The following SH2D3C variants were observed in gnomAD, a reference collection of about 807,000 sequenced individuals.
SH2D3C encodes the protein SH2 domain-containing protein 3C.
A neutral mutation model predicts 75.2 loss-of-function variants in SH2D3C; 25 were observed. The ratio of observed to expected loss-of-function variants is 0.33; its 90% CI spans 0.24 to 0.46. The LOEUF (loss-of-function observed/expected upper bound fraction) is 0.46. SH2D3C is among the 20% of genes least tolerant of loss of function. The probability of loss-of-function intolerance (pLI) is 1.00; values close to 1 mark genes in which losing one functional copy is unlikely to be tolerated. For synonymous variants in SH2D3C, 450 were observed against 473.7 expected (o/e 0.95, Z 0.65); for missense variants, 933 against 1,165.3 (o/e 0.80, Z 2.90).
At chr9:127,760,574 G>A (rs549145858) in intron 3 of SH2D3C, among the ~76,000 whole-genome samples, 6 of 151,838 alleles carry the variant, frequency 4.0e-5, no homozygotes, top group Non-Finnish European at 7.4e-5. Flanking sequence ...GCACATGAAC[G>A]TGTTACCCCA....
At position 127,749,360 on chromosome 9, in the gene SH2D3C, G is replaced by T. The variant is rs201463252; in HGVS notation, c.990C>A (p.Ala330=). 2 of 1,613,776 alleles carry T rather than the reference G, an allele frequency of 1.2e-6. No individual in the cohort carries two copies. The highest frequency in any genetic ancestry group is 4.5e-5 in the East Asian group (2 of 44,886). Residue 330 remains alanine (A), a synonymous_variant, in exon 5 of 12, where the codon GCC becomes GCA. Transcript: ENST00000314830. This position sits in a 1 kb window ranked among gnomAD's most constrained non-coding sequence, Gnocchi z 5.9. ...NRTFPLRYLE[A]SYGLGQGSSK... is the part of the protein sequence containing the mutation. ...TACTCCCCTGTCCCAGGCCATAGCTGGCCTCGAGGTAGCGCAGTGGGAAGG... is the reference window on the plus strand; with the variant it reads ...TACTCCCCTGTCCCAGGCCATAGCTTGCCTCGAGGTAGCGCAGTGGGAAGG...
In SH2D3C at chr9:127,751,145, T is replaced by C. The variant is rs372541117; in HGVS notation, c.684+27A>G. ...AGGCAGTGGGTGGGAGGGTCCCGGG[T>C]TGAAGTCCAGCTCGGGGCCTACTCA... On this transcript the variant is annotated intron_variant, in intron 4 of 11. Coordinates refer to ENST00000314830, the MANE Select transcript of SH2D3C (RefSeq NM_170600.3). The surrounding 1 kb of genome is among the most constrained non-coding windows in gnomAD (Gnocchi z 4.1). 24 of 1,611,390 alleles carry C rather than the reference T, an allele frequency of 1.5e-5. No homozygotes were observed. Among genetic ancestry groups the C allele is most frequent in the African/African-American group, 1.5e-4 (11 of 74,804 alleles).
At chr9:127,753,218 T>G (rs1845251507) in intron 3 of SH2D3C, among the ~76,000 whole-genome samples, 1 of 151,754 alleles carries the variant, frequency 6.6e-6, no homozygotes, top group South Asian at 2.1e-4. Context: ...AGCCTAGGGT[T>G]TTCCAGGCAG....
chr9:127,757,272 A>ATTTTTTT (rs60217641), intron 3 of SH2D3C, among the ~76,000 whole-genome samples: 112 of 138,674 alleles, frequency 8.1e-4, no homozygotes, highest in African/African-American at 2.2e-3. Context: ...CCCTCATTTG[A>ATTTTTTT]TTTTTTTTTT....
At chr9:127,755,302 G>T in intron 3 of SH2D3C, 3 of 1,089,220 alleles carry the variant, frequency 2.8e-6, no homozygotes, top group Non-Finnish European at 3.4e-6. Flanking sequence ...GGGGAGGAGC[G>T]GGGAGGCGGG....
chr9:127,763,480 C>T (rs1178411708), intron 2 of SH2D3C, among the ~76,000 whole-genome samples: 5 of 152,068 alleles, frequency 3.3e-5, no homozygotes, highest in South Asian at 2.1e-4. Flanking sequence ...CTACTTGGGA[C>T]GCTGAGGCAG....
intron 2 of SH2D3C, among the ~76,000 whole-genome samples, chr9:127,767,563 C>T (rs1292802068): frequency 2.0e-5 from 3 of 152,214 alleles, no homozygotes; most frequent in Non-Finnish European, 1.5e-5. Context: ...TCAACCAGAG[C>T]CCAGAACCAA....
intron 2 of SH2D3C, chr9:127,771,453 G>C: frequency 2.6e-6 from 3 of 1,132,652 alleles, no homozygotes; most frequent in Non-Finnish European, 2.3e-6. Flanking sequence ...ACGGCCCTCC[G>C]CCTGCGGTCT....
intron 2 of SH2D3C, among the ~76,000 whole-genome samples, chr9:127,768,919 C>G (rs912164387): frequency 6.6e-6 from 1 of 152,214 alleles, no homozygotes; most frequent in Non-Finnish European, 1.5e-5. Context: ...TTTGTCCCTT[C>G]GTCTCCTTTG....
Position 127,742,859 on chromosome 9 carries a change from G to A in SH2D3C, c.1906C>T (p.Leu636=). 1.2e-6 allele frequency: 2 copies of A among 1,613,138 alleles called. No homozygotes were observed. The highest frequency in any genetic ancestry group is 1.7e-6 in the Non-Finnish European group (2 of 1,179,542). ...CCGGCGCTGTCTCACCTTTCCAGCA[G>A]GTCTAGGCGTAGCTGCCGGCCATGG... is the stretch of plus-strand genomic sequence containing the variant. ...LPHGRQLRLD[L]LERFHTMSIM... Residue 636 remains leucine (L), a synonymous_variant, in exon 8 of 12, where the codon CTG becomes TTG. Coordinates refer to ENST00000314830, the MANE Select transcript of SH2D3C (RefSeq NM_170600.3).
At chr9:127,741,990 G>T in intron 8 of SH2D3C, 31 bp from the exon 9 acceptor site, 2 of 1,576,752 alleles carry the variant, frequency 1.3e-6, no homozygotes, top group South Asian at 2.3e-5. Flanking sequence ...GAGGCGGCGG[G>T]CTCGGGGACA....
Position 127,739,317 on chromosome 9 carries a change from G to A in SH2D3C, c.2407+365C>T, listed in dbSNP as rs534744914. Among the ~76,000 whole-genome samples, 11 of 152,004 alleles carry A rather than the reference G, an allele frequency of 7.2e-5. No homozygotes were observed. The highest frequency in any genetic ancestry group is 4.2e-4 in the South Asian group (2 of 4,808). ...CTGAGGTCAGGAGTTCAAGACCAGC[G>A]GCCCAACATGGTGGAACCCCACCTC... On this transcript the variant is annotated intron_variant, in intron 11 of 11. Transcript: ENST00000314830. The surrounding 1 kb of genome is among the most constrained non-coding windows in gnomAD (Gnocchi z 4.3).
At chr9:127,773,006 G>T (rs1845760440) in intron 2 of SH2D3C, among the ~76,000 whole-genome samples, 1 of 151,806 alleles carries the variant, frequency 6.6e-6, no homozygotes, top group Admixed American at 6.6e-5. Flanking sequence ...GCTAGTTTTT[G>T]TATTTTTAGT....
chr9:127,738,731 G>A lies in SH2D3C; in HGVS notation c.*15C>T. 3 of 1,575,804 alleles carry A rather than the reference G, an allele frequency of 1.9e-6. No homozygotes were observed. Among genetic ancestry groups the A allele is most frequent in the Middle Eastern group, 1.7e-4 (1 of 5,966 alleles). On this transcript the variant is annotated 3_prime_UTR_variant, in exon 12 of 12. Coordinates refer to ENST00000314830, the MANE Select transcript of SH2D3C (RefSeq NM_170600.3). This position sits in a 1 kb window ranked among gnomAD's most constrained non-coding sequence, Gnocchi z 5.0. The stretch of plus-strand genomic sequence containing the variant: ...TGACGCTGTCCGCAGCTGCAGAGGG[G>A]AAATGTCCCTGGGGTCACAGCTCGC...
At chr9:127,769,502 C>CACAA (rs1554800454) in intron 2 of SH2D3C, among the ~76,000 whole-genome samples, 15 of 151,266 alleles carry the variant, frequency 9.9e-5, no homozygotes, top group African/African-American at 3.6e-4. Context: ...CACACACACA[C>CACAA]AAAATTAGCC....
intron 2 of SH2D3C, among the ~76,000 whole-genome samples, chr9:127,763,877 T>G (rs972955893): frequency 1.3e-5 from 2 of 152,194 alleles, no homozygotes; most frequent in African/African-American, 4.8e-5. Context: ...AGCTGGTAAC[T>G]AACCACAGTC....
chr9:127,742,946 C>A lies in SH2D3C; in HGVS notation c.1819G>T (p.Val607Phe). ...VDCLVARILG[V>F]TKEMQTLMGV... ...ATTAGGGTCTGCATCTCCTTGGTAA[C>A]GCCCAGTATCCTAGCAACCTGCAAA... is the stretch of plus-strand genomic sequence containing the variant. Residue 607 changes from valine to phenylalanine, a missense_variant, in exon 8 of 12, where the codon GTT (valine) becomes TTT (phenylalanine). Coordinates refer to ENST00000314830, the MANE Select transcript of SH2D3C (RefSeq NM_170600.3). 6.2e-7 allele frequency: 1 copy of A among 1,613,460 alleles called. No homozygotes were observed. The highest frequency in any genetic ancestry group is 8.5e-7 in the Non-Finnish European group (1 of 1,179,604).
At position 127,762,197 on chromosome 9, in the gene SH2D3C, A is replaced by G. The variant is rs1159523154; in HGVS notation, c.516-547T>C. Reference sequence around the variant, plus strand: ...TGACTGCGGAGCCACTGCCGGTGCTAGAGGGCTACAGAATTGATTCTGCCC... The same window carrying G: ...TGACTGCGGAGCCACTGCCGGTGCTGGAGGGCTACAGAATTGATTCTGCCC... On this transcript the variant is annotated intron_variant, in intron 2 of 11. Transcript: ENST00000314830. 5 of 1,190,038 alleles carry G rather than the reference A, an allele frequency of 4.2e-6. No homozygotes were observed. In the African/African-American group the frequency reaches 6.4e-5, roughly 15 times the overall value. The allele number at this position is 1,190,038 out of a possible 1,614,324, so 73.7% of individuals were successfully genotyped here.
intron 7 of SH2D3C, 68 bp from the exon 8 acceptor site, chr9:127,743,032 G>A: frequency 8.4e-7 from 1 of 1,189,328 alleles, no homozygotes; most frequent in South Asian, 1.3e-5. Flanking sequence ...GGGAGTCAGA[G>A]AGCTTTATCT....
Sources: gnomAD v4.1 joint callset for allele counts (sites outside exome capture counted in the v4.1 genomes callset) on GRCh38, gnomAD v4.1.1 for gene constraint, Gnocchi (gnomAD v3.1) non-coding constraint, MANE v1.5 for transcripts, NCBI Gene and HGNC (gene_info 2026-07-23, HGNC 2026-07-21) for gene names.